The following ULK4 variants were observed in gnomAD, a reference collection of about 807,000 sequenced individuals.
The protein encoded by ULK4 is unc-51 like kinase 4, also known as inactive serine/threonine-protein kinase ULK4.
ULK4 carries 133 observed loss-of-function variants against 160.6 expected under a neutral mutation model. The observed-to-expected ratio is 0.83, with a 90% CI of 0.72 to 0.96. The LOEUF (loss-of-function observed/expected upper bound fraction) is 0.96, where lower values mean the gene tolerates loss of function less well. Ranked by LOEUF, ULK4 falls within the 40% of genes least tolerant of loss-of-function variation. The probability of loss-of-function intolerance (pLI) is 0.00; values close to 1 mark genes in which losing one functional copy is unlikely to be tolerated. For missense variants in ULK4, 1,580 were observed against 1,499.5 expected (o/e 1.05, Z -0.89); for synonymous variants, 534 against 539.8 (o/e 0.99, Z 0.15).
chr3:41,582,048 C>A (rs1050582689), intron 31 of ULK4, among the ~76,000 whole-genome samples: 63 of 152,162 alleles, frequency 4.1e-4, no homozygotes, highest in African/African-American at 1.4e-3. Context: ...CAAATCTCAT[C>A]TTGAATTGTA....
rs2081386321 is a variant in ULK4, at chr3:41,372,297, C to A, written c.3678+25782G>T. On this transcript the variant is annotated intron_variant, in intron 35 of 36. Coordinates refer to ENST00000301831, the MANE Select transcript of ULK4 (RefSeq NM_017886.4). ...TCAAATTCAGGAAATACGGAGAACA[C>A]CACAAAGATACTCCTCAGGAAGAGC... 5.9e-5 allele frequency among the ~76,000 whole-genome samples: 9 copies of A among 152,038 alleles called. No homozygotes were observed. In the South Asian group the frequency reaches 1.9e-3, roughly 32 times the overall value.
intron 31 of ULK4, among the ~76,000 whole-genome samples, chr3:41,612,153 T>C (rs1422467568): frequency 6.6e-6 from 1 of 152,190 alleles, no homozygotes; most frequent in Non-Finnish European, 1.5e-5. Flanking sequence ...TGCAAAGGAC[T>C]TGAGGATCTG....
At chr3:41,344,425 T>G (rs2080754072) in intron 35 of ULK4, among the ~76,000 whole-genome samples, 1 of 152,088 alleles carries the variant, frequency 6.6e-6, no homozygotes, top group Non-Finnish European at 1.5e-5. Flanking sequence ...GGGCAAAGAT[T>G]TCATCATGAA....
chr3:41,513,484 T>G (rs910787222), intron 32 of ULK4, among the ~76,000 whole-genome samples: 2 of 152,128 alleles, frequency 1.3e-5, no homozygotes, highest in African/African-American at 4.8e-5. Flanking sequence ...AATACCAAAG[T>G]TATCTGGGCG....
intron 21 of ULK4, among the ~76,000 whole-genome samples, chr3:41,765,194 G>A (rs558572483): frequency 3.3e-4 from 51 of 152,302 alleles, no homozygotes; most frequent in African/African-American, 1.1e-3. Flanking sequence ...TTAAGAAAAT[G>A]TGGCACATAT....
chr3:41,670,972 G>T (rs547450599), intron 29 of ULK4, among the ~76,000 whole-genome samples: 1 of 152,060 alleles, frequency 6.6e-6, no homozygotes, highest in African/African-American at 2.4e-5. Context: ...ACCTAAATGT[G>T]CCAATTTAGG....
chr3:41,706,856 T>TGTGG (rs2036912563), intron 25 of ULK4, among the ~76,000 whole-genome samples: 1 of 112,060 alleles, frequency 8.9e-6, no homozygotes, highest in African/African-American at 5.7e-5. Flanking sequence ...AATATGTGTG[T>TGTGG]GTGTGTGTGT....
chr3:41,955,913 T>A (rs372223091), intron 1 of ULK4: 3 of 152,162 alleles, frequency 2.0e-5, no homozygotes, highest in African/African-American at 7.2e-5. Context: ...AATGGAAACC[T>A]GGTACAAGGG....
Position 41,249,473 on chromosome 3 carries a change from C to T in ULK4, c.3764+16G>A, listed in dbSNP as rs1195952990. Reference sequence around the variant, plus strand: ...TGATCTAGAGCAGACTGCTGATCCTCCTGGGTCCCACTTACCCACTCCCAG... The same window carrying T: ...TGATCTAGAGCAGACTGCTGATCCTTCTGGGTCCCACTTACCCACTCCCAG... On this transcript the variant is annotated intron_variant, in intron 36 of 36. Transcript: ENST00000301831. 2 of 1,610,496 alleles carry T rather than the reference C, an allele frequency of 1.2e-6. No homozygotes were observed. The highest frequency in any genetic ancestry group is 1.7e-4 in the Middle Eastern group (1 of 5,988).
intron 35 of ULK4, among the ~76,000 whole-genome samples, chr3:41,347,180 C>T (rs765153429): frequency 4.3e-4 from 65 of 152,278 alleles, no homozygotes; most frequent in African/African-American, 1.5e-3. Flanking sequence ...AGTTCAAAGG[C>T]GCATTGCAGC....
intron 11 of ULK4, 130 bp from the exon 12 acceptor site, chr3:41,908,071 A>C: frequency 4.9e-6 from 2 of 404,610 alleles, no homozygotes; most frequent in South Asian, 9.8e-5. Context: ...TCACTAAAAA[A>C]GTCTAGATCT....
intron 32 of ULK4, among the ~76,000 whole-genome samples, chr3:41,524,893 G>A (rs1425099798): frequency 1.3e-5 from 2 of 152,042 alleles, no homozygotes; most frequent in African/African-American, 2.4e-5. Flanking sequence ...AGCCAAGATC[G>A]CGTCACTGCA....
intron 33 of ULK4, among the ~76,000 whole-genome samples, chr3:41,461,132 G>A (rs980279978): frequency 5.9e-5 from 9 of 152,100 alleles, no homozygotes; most frequent in African/African-American, 4.8e-5. Context: ...ATTCTGACAC[G>A]TGCCTGCCTT....
chr3:41,944,822 G>T (rs558324557), intron 2 of ULK4, among the ~76,000 whole-genome samples: 2 of 152,170 alleles, frequency 1.3e-5, no homozygotes, highest in South Asian at 2.1e-4. Flanking sequence ...GTTATCAGTG[G>T]CCTCTCCATT....
intron 7 of ULK4, among the ~76,000 whole-genome samples, chr3:41,917,963 G>A (rs887442073): frequency 2.0e-5 from 3 of 151,380 alleles, no homozygotes; most frequent in African/African-American, 7.3e-5. Flanking sequence ...CTCCAGCCTG[G>A]GCAACAGAGC....
chr3:41,853,111 A>G (rs1044200396), intron 17 of ULK4, among the ~76,000 whole-genome samples: 2 of 152,188 alleles, frequency 1.3e-5, no homozygotes, highest in Non-Finnish European at 2.9e-5. Flanking sequence ...AGTGGTTCTT[A>G]AATTTTAGGG....
intron 35 of ULK4, among the ~76,000 whole-genome samples, chr3:41,326,937 C>T (rs1487569): frequency 0.17 from 26,547 of 152,048 alleles, 2,966 homozygotes; most frequent in African/African-American, 0.32. Context: ...CAATGTTTCA[C>T]GTAAGGGCTC....
chr3:41,493,273 C>A (rs2084859312), intron 32 of ULK4, among the ~76,000 whole-genome samples: 1 of 146,560 alleles, frequency 6.8e-6, no homozygotes, highest in South Asian at 2.2e-4. Flanking sequence ...GATTAAGAAA[C>A]TCACTGAAAA....
intron 4 of ULK4, among the ~76,000 whole-genome samples, chr3:41,933,522 C>T (rs1305858896): frequency 1.3e-5 from 2 of 152,172 alleles, no homozygotes; most frequent in Admixed American, 1.3e-4. Flanking sequence ...GCCCAACCTT[C>T]GCTAACCCCT....
Sources: gnomAD v4.1 joint callset for allele counts (sites outside exome capture counted in the v4.1 genomes callset) on GRCh38, gnomAD v4.1.1 for gene constraint, MANE v1.5 for transcripts, NCBI Gene and HGNC (gene_info 2026-07-23, HGNC 2026-07-21) for gene names.